The following CNBD1 variants were observed in gnomAD, a reference collection of about 807,000 sequenced individuals.
CNBD1 encodes cyclic nucleotide binding domain containing 1.
CNBD1 carries 71 observed loss-of-function variants against 54.4 expected under a neutral mutation model. The observed-to-expected ratio is 1.30, with a 90% CI of 1.08 to 1.59. The LOEUF (loss-of-function observed/expected upper bound fraction) is 1.59. CNBD1 is among the 40% of genes most tolerant of loss of function. The pLI, the probability that CNBD1 is intolerant of heterozygous loss-of-function variation, is 0.00. For missense variants in CNBD1, 659 were observed against 518.0 expected (o/e 1.27, Z -2.64); for synonymous variants, 182 against 170.7 (o/e 1.07, Z -0.51).
Position 87,382,725 on chromosome 8 carries a change from T to G in CNBD1, c.*98T>G. The G allele has an allele frequency of 2.1e-6, 2 of 954,478 alleles. No individual in the cohort carries two copies. Among genetic ancestry groups the G allele is most frequent in the Non-Finnish European group, 3.2e-6 (2 of 631,438 alleles). The allele number at this position is 954,478 out of a possible 1,614,324, so 59.1% of individuals were successfully genotyped here. On this transcript the variant is annotated 3_prime_UTR_variant, in exon 11 of 11. Coordinates refer to ENST00000518476, the MANE Select transcript of CNBD1 (RefSeq NM_173538.3). Reference sequence around the variant, plus strand: ...TACTATCAAACTACCAGCAATGAATTTGGTCTATTGTGACTACATATCCTG... The same window carrying G: ...TACTATCAAACTACCAGCAATGAATGTGGTCTATTGTGACTACATATCCTG...
rs1023318192 is a variant in CNBD1 at position 86,881,998 on chromosome 8, G to A, written c.89-5544G>A. Reference sequence around the variant, plus strand: ...TAGCTATAAGCAGAAAATTGAAAGTGGACCCCTTTTTTACACTATATTCAA... The same window carrying A: ...TAGCTATAAGCAGAAAATTGAAAGTAGACCCCTTTTTTACACTATATTCAA... On this transcript the variant is annotated intron_variant, in intron 1 of 10. Transcript: ENST00000518476. 2.6e-5 allele frequency among the ~76,000 whole-genome samples: 4 copies of A among 152,086 alleles called. No homozygotes were observed. The East Asian group carries it at 7.7e-4, about 29-fold the overall frequency.
chr8:87,048,127 A>T (rs766699305), intron 4 of CNBD1, among the ~76,000 whole-genome samples: 1 of 152,066 alleles, frequency 6.6e-6, no homozygotes, highest in Non-Finnish European at 1.5e-5. Flanking sequence ...GGTCTTTGCA[A>T]ATCGGGGTCT....
At chr8:87,055,343 C>A (rs575358691) in intron 4 of CNBD1, among the ~76,000 whole-genome samples, 1 of 152,154 alleles carries the variant, frequency 6.6e-6, no homozygotes, top group Non-Finnish European at 1.5e-5. Context: ...CTGTACAACT[C>A]CCCCTATCTA....
In CNBD1 at chr8:87,243,937, T is replaced by C. The variant is rs183783467; in HGVS notation, c.771+6825T>C. Among the ~76,000 whole-genome samples, 503 of 152,248 alleles carry C rather than the reference T, an allele frequency of 3.3e-3. 2 individuals carry two copies. The highest frequency in any genetic ancestry group is 0.012 in the African/African-American group (483 of 41,534). On this transcript the variant is annotated intron_variant, in intron 6 of 10. Coordinates refer to ENST00000518476, the MANE Select transcript of CNBD1 (RefSeq NM_173538.3). ...GTATAAAGTTTATGTTTTGTTTTTT[T>C]AATTAAAAAAAATTTTGTATAAATT...
chr8:87,278,172 A>G (rs569095361), intron 6 of CNBD1, among the ~76,000 whole-genome samples: 1 of 151,752 alleles, frequency 6.6e-6, no homozygotes, highest in East Asian at 1.9e-4. Flanking sequence ...GATAGAAAAG[A>G]ACATAACTTA....
chr8:87,329,899 A>C (rs1184828682), intron 8 of CNBD1, among the ~76,000 whole-genome samples: 3 of 151,906 alleles, frequency 2.0e-5, no homozygotes. Context: ...CTCTTGTTTT[A>C]CTGCATTAGC....
intron 4 of CNBD1, among the ~76,000 whole-genome samples, chr8:87,113,921 A>AT (rs1183353248): frequency 6.6e-6 from 1 of 152,112 alleles, no homozygotes; most frequent in African/African-American, 2.4e-5. Context: ...TGTCTCAAAA[A>AT]AAAAAAGAAA....
intron 4 of CNBD1, among the ~76,000 whole-genome samples, chr8:87,002,474 A>G (rs746577031): frequency 6.6e-6 from 1 of 151,658 alleles, no homozygotes; most frequent in Admixed American, 6.6e-5. Flanking sequence ...CACACGTAAT[A>G]CTCTGGCAAT....
At position 87,419,560 on chromosome 8, in the gene CNBD1, A is replaced by G. The variant is rs143407142; in HGVS notation, c.214-8986A>G. Reference sequence around the variant, plus strand: ...CTCATTTCAAAAAATTTCAAAAGATATAGTCATTCAGAATGTGTTGTATAG... The same window carrying G: ...CTCATTTCAAAAAATTTCAAAAGATGTAGTCATTCAGAATGTGTTGTATAG... On this transcript the variant is annotated intron_variant, in intron 2 of 7. Coordinates refer to the CNBD1 transcript ENST00000521593. Among the ~76,000 whole-genome samples, 457 of 152,068 alleles carry G rather than the reference A, an allele frequency of 3.0e-3. 5 individuals carry two copies. Among genetic ancestry groups the G allele is most frequent in the African/African-American group, 9.9e-3 (411 of 41,560 alleles).
chr8:86,926,800 G>A (rs1377322679), intron 3 of CNBD1, among the ~76,000 whole-genome samples: 1 of 152,170 alleles, frequency 6.6e-6, no homozygotes, highest in Non-Finnish European at 1.5e-5. Flanking sequence ...CCCATAAACT[G>A]TATGAGAAAT....
intron 2 of CNBD1, among the ~76,000 whole-genome samples, chr8:86,898,400 GAA>G (rs1808879457): frequency 6.6e-6 from 1 of 152,142 alleles, no homozygotes; most frequent in African/African-American, 2.4e-5. Context: ...AATTTAAAAA[GAA>G]ATGAATACTC....
At chr8:86,981,689 T>G (rs376536586) in intron 4 of CNBD1, among the ~76,000 whole-genome samples, 1 of 152,222 alleles carries the variant, frequency 6.6e-6, no homozygotes, top group South Asian at 2.1e-4. Flanking sequence ...GACTTCATTT[T>G]AATCATAATA....
At chr8:87,392,357 T>G (rs1811325564) in intron 2 of CNBD1, among the ~76,000 whole-genome samples, 1 of 152,014 alleles carries the variant, frequency 6.6e-6, no homozygotes, top group South Asian at 2.1e-4. Context: ...GTACATGAAT[T>G]AAAGTTTGTA....
At chr8:87,379,736 G>A (rs951803189) in intron 10 of CNBD1, among the ~76,000 whole-genome samples, 7 of 151,722 alleles carry the variant, frequency 4.6e-5, no homozygotes, top group African/African-American at 1.7e-4. Flanking sequence ...TATAATATTT[G>A]TAAAATTACA....
chr8:87,399,321 A>ATG (rs1207215044), intron 2 of CNBD1, among the ~76,000 whole-genome samples: 2 of 152,000 alleles, frequency 1.3e-5, no homozygotes, highest in East Asian at 3.9e-4. Flanking sequence ...GACACTGTGC[A>ATG]TGTGCACAAT....
intron 1 of CNBD1, among the ~76,000 whole-genome samples, chr8:86,879,881 G>A (rs2453443): frequency 0.69 from 105,009 of 151,754 alleles, 36,887 homozygotes; most frequent in African/African-American, 0.8. Context: ...AAAAAAAAAG[G>A]AAAAAAGAAA....
chr8:86,991,315 T>C (rs1808741836), intron 4 of CNBD1, among the ~76,000 whole-genome samples: 1 of 152,152 alleles, frequency 6.6e-6, no homozygotes, highest in African/African-American at 2.4e-5. Context: ...GCTGTGTGTC[T>C]GTCATATATG....
At chr8:87,130,602 C>T (rs1175527447) in intron 4 of CNBD1, among the ~76,000 whole-genome samples, 1 of 151,884 alleles carries the variant, frequency 6.6e-6, no homozygotes, top group Non-Finnish European at 1.5e-5. Context: ...CATGGTGAGA[C>T]ACCGTCTTTA....
At chr8:87,067,498 A>T (rs564109506) in intron 4 of CNBD1, among the ~76,000 whole-genome samples, 1 of 152,134 alleles carries the variant, frequency 6.6e-6, no homozygotes, top group African/African-American at 2.4e-5. Context: ...TAAAAATTTC[A>T]TGAGATACAG....
Sources: allele counts gnomAD v4.1 joint callset (sites outside exome capture counted in the v4.1 genomes callset), GRCh38; gene constraint gnomAD v4.1.1; transcripts MANE v1.5; gene names NCBI Gene and HGNC (gene_info 2026-07-23, HGNC 2026-07-21).